Variants in TBL1X observed in about 807,000 individuals in gnomAD.
TBL1X encodes transducin beta like 1 X-linked.
In TBL1X, 10 loss-of-function variants were observed where a neutral mutation model predicts 50.7. That is an observed-to-expected ratio of 0.20 (90% CI 0.12 to 0.33). TBL1X has a LOEUF of 0.33. TBL1X is among the 10% of genes least tolerant of loss of function. TBL1X has a pLI of 1.00. For synonymous variants in TBL1X, 190 were observed against 214.7 expected (o/e 0.88, Z 1.01); for missense variants, 340 against 504.4 (o/e 0.67, Z 3.12).
At chrX:9,556,522 G>A (rs1374391854) in intron 2 of TBL1X, among the ~76,000 whole-genome samples, 1 of 109,223 alleles carries the variant, frequency 9.2e-6, no homozygotes, top group Non-Finnish European at 1.9e-5. Context: ...AGGCATGGTG[G>A]TCCACACCTG....
intron 2 of TBL1X, among the ~76,000 whole-genome samples, chrX:9,576,448 T>C (rs780535523): frequency 8.9e-6 from 1 of 112,294 alleles, no homozygotes; most frequent in East Asian, 2.8e-4. Context: ...GGGCCAGATA[T>C]CTTGCTTAGA....
intron 1 of TBL1X, among the ~76,000 whole-genome samples, chrX:9,494,222 A>G (rs139190906): frequency 1.5e-3 from 172 of 111,796 alleles, no homozygotes; most frequent in African/African-American, 5.3e-3. Context: ...ACTGCCTTGA[A>G]CAGGAACCAA....
chrX:9,573,666 C>T (rs2082396485), intron 2 of TBL1X, among the ~76,000 whole-genome samples: 1 of 112,473 alleles, frequency 8.9e-6, no homozygotes, highest in Non-Finnish European at 1.9e-5. Flanking sequence ...ATTTCCTGCC[C>T]TGTGCCACCT....
chrX:9,485,915 A>G (rs2146936604), intron 1 of TBL1X, among the ~76,000 whole-genome samples: 1 of 111,224 alleles, frequency 9.0e-6, no homozygotes. Context: ...ATTTTATTTT[A>G]TTTTTTTAAG....
At chrX:9,541,092 A>T (rs1275941657) in intron 2 of TBL1X, among the ~76,000 whole-genome samples, 1 of 111,887 alleles carries the variant, frequency 8.9e-6, no homozygotes, top group Non-Finnish European at 1.9e-5. Flanking sequence ...ACATAACCAA[A>T]CCATATAAAA....
intron 2 of TBL1X, among the ~76,000 whole-genome samples, chrX:9,531,943 A>G (rs1361149287): frequency 9.0e-6 from 1 of 110,636 alleles, no homozygotes; most frequent in Admixed American, 9.6e-5. Flanking sequence ...CATGTTGGCC[A>G]GGCTGGTCTC....
intron 2 of TBL1X, among the ~76,000 whole-genome samples, chrX:9,624,890 A>G (rs996254550): frequency 5.3e-5 from 6 of 112,604 alleles, no homozygotes; most frequent in Admixed American, 1.9e-4. Flanking sequence ...GCTAGAGCTC[A>G]ATCTAGTCTG....
intron 2 of TBL1X, among the ~76,000 whole-genome samples, chrX:9,532,101 C>T (rs772589492): frequency 2.3e-4 from 26 of 111,466 alleles, no homozygotes; most frequent in Non-Finnish European, 4.0e-4. Flanking sequence ...GTAGATCTGG[C>T]CATGCTGAAA....
chrX:9,672,036 G>A (rs1472323916), intron 5 of TBL1X, among the ~76,000 whole-genome samples: 5 of 112,316 alleles, frequency 4.5e-5, no homozygotes, highest in Non-Finnish European at 9.4e-5. Context: ...GGGAGAAAAA[G>A]CAATTAGAAT....
rs773057833 is a variant in TBL1X, at chrX:9,564,831, C to A, written c.-131+62982C>A. ...GTGTTGCGGGAGGAAGGGCATGGAACTGACAAATTATCCAAGAGTTTTGAT... is the reference window on the plus strand; with the variant it reads ...GTGTTGCGGGAGGAAGGGCATGGAAATGACAAATTATCCAAGAGTTTTGAT... On this transcript the variant is annotated intron_variant, in intron 2 of 17. Coordinates refer to ENST00000645353, the MANE Select transcript of TBL1X (RefSeq NM_005647.4). 3.8e-3 allele frequency among the ~76,000 whole-genome samples: 422 copies of A among 110,155 alleles called. 2 individuals are homozygous for A. Among genetic ancestry groups the A allele is most frequent in the African/African-American group, 0.013 (388 of 30,231 alleles).
intron 3 of TBL1X, 109 bp from the exon 4 acceptor site, chrX:9,653,436 C>T: frequency 2.1e-6 from 1 of 479,480 alleles, no homozygotes; most frequent in South Asian, 3.6e-5. Context: ...CAGATTTCTG[C>T]CTGCCTTCTG....
chrX:9,584,078 G>A (rs1418636504), intron 2 of TBL1X, among the ~76,000 whole-genome samples: 4 of 112,262 alleles, frequency 3.6e-5, no homozygotes, highest in African/African-American at 1.3e-4. Flanking sequence ...GAGGTCAGAG[G>A]TGTGACTGTG....
chrX:9,548,127 C>A (rs888834757), intron 2 of TBL1X, among the ~76,000 whole-genome samples: 4 of 109,480 alleles, frequency 3.7e-5, no homozygotes, highest in Non-Finnish European at 7.6e-5. Flanking sequence ...AGACAATATA[C>A]AAAAGTTACT....
chrX:9,478,677 T>C (rs1255478547), intron 1 of TBL1X, among the ~76,000 whole-genome samples: 2 of 112,259 alleles, frequency 1.8e-5, no homozygotes, highest in Non-Finnish European at 3.8e-5. Context: ...ATTGCCAGAT[T>C]GTCAAATACG....
At chrX:9,569,389 G>GTGTGC (rs1281070470) in intron 2 of TBL1X, among the ~76,000 whole-genome samples, 1 of 110,589 alleles carries the variant, frequency 9.0e-6, no homozygotes, top group African/African-American at 3.3e-5. Context: ...CACGTGTGTG[G>GTGTGC]TGTGCTGTGT....
At position 9,482,752 on chromosome X, in the gene TBL1X, C is replaced by T. The variant is rs1273165653; in HGVS notation, c.-201+17305C>T. Among the ~76,000 whole-genome samples the T allele has an allele frequency of 4.5e-5, 5 of 110,619 alleles. No individual in the cohort carries two copies. The South Asian group carries it at 2.0e-3, about 43-fold the overall frequency. ...ACCTTAAGAATAAGGTGTATGAAAGCCAAAGGGGGTATTGAAACCACCTTT... is the reference window on the plus strand; with the variant it reads ...ACCTTAAGAATAAGGTGTATGAAAGTCAAAGGGGGTATTGAAACCACCTTT... On this transcript the variant is annotated intron_variant, in intron 1 of 17. Coordinates refer to ENST00000645353, the MANE Select transcript of TBL1X (RefSeq NM_005647.4).
intron 3 of TBL1X, among the ~76,000 whole-genome samples, chrX:9,650,895 CTTCAAAATTAAT>C (rs940546288): frequency 8.2e-5 from 9 of 109,822 alleles, no homozygotes; most frequent in African/African-American, 3.0e-4. Context: ...ATAATAGATT[CTTCAAAATTAAT>C]TTCAAAATTC....
At chrX:9,662,077 C>G (rs1194243076) in intron 5 of TBL1X, among the ~76,000 whole-genome samples, 1 of 111,612 alleles carries the variant, frequency 9.0e-6, no homozygotes, top group East Asian at 2.8e-4. Flanking sequence ...TCCTAGGCCT[C>G]TGAACAGGGT....
intron 1 of TBL1X, among the ~76,000 whole-genome samples, chrX:9,475,075 T>C (rs972761588): frequency 2.7e-5 from 3 of 111,343 alleles, no homozygotes; most frequent in Non-Finnish European, 5.7e-5. Flanking sequence ...GGTTTTGCCA[T>C]GTTGGCCAGG....
Sources: allele counts gnomAD v4.1 joint callset (sites outside exome capture counted in the v4.1 genomes callset), GRCh38; gene constraint gnomAD v4.1.1; transcripts MANE v1.5; gene names NCBI Gene and HGNC (gene_info 2026-07-23, HGNC 2026-07-21).